The following RNGTT variants were observed in gnomAD, a reference collection of about 807,000 sequenced individuals.
RNGTT encodes the protein RNA guanylyltransferase and 5'-phosphatase, also known as mRNA-capping enzyme.
RNGTT carries 33 observed loss-of-function variants against 79.3 expected under a neutral mutation model. The ratio of observed to expected loss-of-function variants is 0.42; its 90% CI spans 0.32 to 0.56. The LOEUF is 0.56. Ranked by LOEUF, RNGTT falls within the 20% of genes least tolerant of loss-of-function variation. The pLI, the probability that RNGTT is intolerant of heterozygous loss-of-function variation, is 0.17. For missense variants in RNGTT, 497 were observed against 739.1 expected, an observed-to-expected ratio of 0.67 and a Z score of 3.80; for synonymous variants, 222 against 235.9, an observed-to-expected ratio of 0.94 and a Z score of 0.54.
At chr6:88,924,318 T>A (rs186996253) in intron 4 of RNGTT, among the ~76,000 whole-genome samples, 5 of 152,180 alleles carry the variant, frequency 3.3e-5, no homozygotes, top group East Asian at 1.9e-4. Context: ...GTGAGAAAAA[T>A]TTTTTTCATG....
intron 14 of RNGTT, among the ~76,000 whole-genome samples, chr6:88,649,646 G>A (rs950158889): frequency 2.0e-5 from 3 of 151,888 alleles, no homozygotes; most frequent in South Asian, 2.1e-4. Flanking sequence ...GCAGTGAGCC[G>A]AGATCGCGCC....
At chr6:88,649,832 A>G (rs1773730633) in intron 14 of RNGTT, among the ~76,000 whole-genome samples, 1 of 152,222 alleles carries the variant, frequency 6.6e-6, no homozygotes, top group Non-Finnish European at 1.5e-5. Context: ...GGCATTCAGA[A>G]GAGGTGGATG....
At chr6:88,739,703 C>G (rs1582403170) in intron 13 of RNGTT, among the ~76,000 whole-genome samples, 4 of 103,092 alleles carry the variant, frequency 3.9e-5, no homozygotes, top group East Asian at 3.1e-4. Flanking sequence ...ATATTTCTCC[C>G]GTGTAACTGG....
intron 6 of RNGTT, among the ~76,000 whole-genome samples, chr6:88,896,873 G>A (rs1049328611): frequency 2.0e-5 from 3 of 151,866 alleles, no homozygotes; most frequent in East Asian, 3.9e-4. Context: ...GAAATAACTC[G>A]ACCTGTTGTA....
At chr6:88,698,341 T>G (rs1358436149) in intron 13 of RNGTT, among the ~76,000 whole-genome samples, 1 of 144,628 alleles carries the variant, frequency 6.9e-6, no homozygotes, top group East Asian at 2.0e-4. Flanking sequence ...TTGGTAGGTA[T>G]TGAATTATCA....
At chr6:88,875,471 T>C (rs1386543305) in intron 8 of RNGTT, among the ~76,000 whole-genome samples, 1 of 152,076 alleles carries the variant, frequency 6.6e-6, no homozygotes, top group African/African-American at 2.4e-5. Flanking sequence ...AATTCATCTA[T>C]TAGCATAAAA....
intron 13 of RNGTT, among the ~76,000 whole-genome samples, chr6:88,743,801 T>C (rs950172557): frequency 1.3e-5 from 2 of 152,224 alleles, no homozygotes; most frequent in Admixed American, 1.3e-4. Flanking sequence ...CTTTGAAACC[T>C]CATTTTCAGA....
At position 88,859,055 on chromosome 6, in the gene RNGTT, G is replaced by A. The variant is rs143886044; in HGVS notation, c.897-5291C>T. Among the ~76,000 whole-genome samples, 719 of 151,656 alleles carry A rather than the reference G, an allele frequency of 4.7e-3. 2 individuals are homozygous for A. Among genetic ancestry groups the A allele is most frequent in the African/African-American group, 0.016 (681 of 41,312 alleles). ...CACCCAGGCTGGAGTGCAGTGGTGT[G>A]AACATAGCTCACTGCAGCCTCAAAC... On this transcript the variant is annotated intron_variant, in intron 8 of 15. Coordinates refer to ENST00000369485, the MANE Select transcript of RNGTT (RefSeq NM_003800.5).
intron 13 of RNGTT, among the ~76,000 whole-genome samples, chr6:88,751,443 C>G (rs900520366): frequency 1.3e-5 from 2 of 152,016 alleles, no homozygotes; most frequent in South Asian, 4.1e-4. Context: ...ATTCTTGATA[C>G]TAACATATTA....
chr6:88,951,531 C>T (rs564262353), intron 1 of RNGTT, among the ~76,000 whole-genome samples: 126 of 152,252 alleles, frequency 8.3e-4, no homozygotes, highest in African/African-American at 2.9e-3. Context: ...CCAAACAGAT[C>T]CGTTGAAAGA....
intron 11 of RNGTT, among the ~76,000 whole-genome samples, chr6:88,842,696 C>T (rs1562280830): frequency 1.3e-5 from 2 of 152,150 alleles, no homozygotes; most frequent in African/African-American, 4.8e-5. Context: ...AATATAAAAA[C>T]ATTTTAGAGA....
At chr6:88,930,153 C>CATATACATATATGTAT (rs768115824) in intron 2 of RNGTT, among the ~76,000 whole-genome samples, 2 of 141,334 alleles carry the variant, frequency 1.4e-5, no homozygotes, top group Non-Finnish European at 3.0e-5. Context: ...CATATACGTA[C>CATATACATATATGTAT]ATACATATAT....
intron 14 of RNGTT, among the ~76,000 whole-genome samples, chr6:88,620,833 C>T (rs1162276296): frequency 6.6e-6 from 1 of 152,126 alleles, no homozygotes; most frequent in Non-Finnish European, 1.5e-5. Flanking sequence ...AGTTTTAATA[C>T]AGAATTCCTT....
chr6:88,627,610 T>C (rs151054608), intron 14 of RNGTT, among the ~76,000 whole-genome samples: 1 of 152,202 alleles, frequency 6.6e-6, no homozygotes, highest in Non-Finnish European at 1.5e-5. Context: ...AAATAAAGAT[T>C]CCCTTCTTAT....
At chr6:88,783,489 T>C (rs903883107) in intron 12 of RNGTT, among the ~76,000 whole-genome samples, 3 of 152,170 alleles carry the variant, frequency 2.0e-5, no homozygotes, top group Non-Finnish European at 4.4e-5. Flanking sequence ...TATTTCACAA[T>C]GTATATCAAA....
chr6:88,858,527 C>A (rs972739715), intron 8 of RNGTT, among the ~76,000 whole-genome samples: 1 of 152,148 alleles, frequency 6.6e-6, no homozygotes, highest in Non-Finnish European at 1.5e-5. Flanking sequence ...CAACAGGTTA[C>A]ACTTACTGAG....
chr6:88,731,093 G>C (rs1028310248), intron 13 of RNGTT, among the ~76,000 whole-genome samples: 4 of 152,070 alleles, frequency 2.6e-5, no homozygotes, highest in Admixed American at 2.6e-4. Context: ...GATTACAAAT[G>C]AAAGAGCTAC....
intron 13 of RNGTT, among the ~76,000 whole-genome samples, chr6:88,689,411 TGGCGAA>T (rs987949179): frequency 6.6e-6 from 1 of 152,208 alleles, no homozygotes; most frequent in African/African-American, 2.4e-5. Context: ...CTGACCGATG[TGGCGAA>T]ACCCCGTCTC....
At chr6:88,708,646 G>A (rs1380076545) in intron 13 of RNGTT, among the ~76,000 whole-genome samples, 2 of 152,090 alleles carry the variant, frequency 1.3e-5, no homozygotes, top group Non-Finnish European at 2.9e-5. Context: ...CTCTCTGCCC[G>A]GCAGTGCTGT....
Sources: allele counts gnomAD v4.1 joint callset (sites outside exome capture counted in the v4.1 genomes callset), GRCh38; gene constraint gnomAD v4.1.1; transcripts MANE v1.5; gene names NCBI Gene and HGNC (gene_info 2026-07-23, HGNC 2026-07-21).